RFWD3: variants seen among roughly 807,000 people sequenced by gnomAD.
The protein encoded by RFWD3 is E3 ubiquitin-protein ligase RFWD3.
Under a neutral mutation model 87.7 loss-of-function variants are expected in RFWD3, and 65 were observed. That is an observed-to-expected ratio of 0.74 (90% CI 0.61 to 0.91). The LOEUF (loss-of-function observed/expected upper bound fraction) is 0.91, where lower values mean the gene tolerates loss of function less well. Ranked by LOEUF, RFWD3 falls within the 40% of genes least tolerant of loss-of-function variation. The pLI is 0.00. For missense variants in RFWD3, 1,078 were observed against 938.5 expected, an observed-to-expected ratio of 1.15 and a Z score of -1.94; for synonymous variants, 433 against 352.8, an observed-to-expected ratio of 1.23 and a Z score of -2.55.
At chr16:74,627,575 C>A (rs563828339) in intron 11 of RFWD3, among the ~76,000 whole-genome samples, 2 of 152,326 alleles carry the variant, frequency 1.3e-5, no homozygotes, top group Admixed American at 1.3e-4. Flanking sequence ...GACCAACACA[C>A]CTGAACCTAA....
chr16:74,639,716 C>A (rs1324959454), intron 6 of RFWD3, among the ~76,000 whole-genome samples: 1 of 151,784 alleles, frequency 6.6e-6, no homozygotes, highest in Non-Finnish European at 1.5e-5. Flanking sequence ...CCAAAAATAG[C>A]AAAAAAATAC....
intron 6 of RFWD3, among the ~76,000 whole-genome samples, chr16:74,638,615 A>T (rs545832843): frequency 6.6e-6 from 1 of 152,352 alleles, no homozygotes; most frequent in East Asian, 1.9e-4. Context: ...AGCTGCCCTT[A>T]TTAATTTTTA....
chr16:74,652,705 A>C (rs2144274338), intron 2 of RFWD3, among the ~76,000 whole-genome samples: 1 of 152,360 alleles, frequency 6.6e-6, no homozygotes, highest in Non-Finnish European at 1.5e-5. Context: ...ACCTGGGGCC[A>C]AATCTAACAC....
Position 74,636,337 on chromosome 16 carries a change from A to T in RFWD3, c.1426+9T>A. On this transcript the variant is annotated intron_variant, in intron 8 of 12. Transcript: ENST00000361070. ...AAGAACATGAAAGCTGAGGTTCTAG[A>T]CTCTTTACCTGGAAGAAAAGAGGCC... The T allele has an allele frequency of 6.2e-7, 1 of 1,608,522 alleles. No individual in the cohort carries two copies. Among genetic ancestry groups the T allele is most frequent in the Non-Finnish European group, 8.5e-7 (1 of 1,174,940 alleles).
At chr16:74,629,632 A>C (rs1352975500) in intron 10 of RFWD3, among the ~76,000 whole-genome samples, 1 of 151,856 alleles carries the variant, frequency 6.6e-6, no homozygotes, top group African/African-American at 2.4e-5. Flanking sequence ...ATCTTAAAAA[A>C]ACAAAACAAA....
At chr16:74,658,079 C>G (rs540889879) in intron 2 of RFWD3, among the ~76,000 whole-genome samples, 2 of 152,156 alleles carry the variant, frequency 1.3e-5, no homozygotes, top group Non-Finnish European at 2.9e-5. Flanking sequence ...CAACAGGAAG[C>G]AGTGCTAGGG....
In RFWD3 at chr16:74,627,746, G is replaced by A. The variant is rs180953067; in HGVS notation, c.1969+706C>T. On this transcript the variant is annotated intron_variant, in intron 11 of 12. Transcript: ENST00000361070. ...CAGGCAGGCATTAGGCCATCTGCCA[G>A]GACAGAGGAGTATCCTGTGAAAGGC... Among the ~76,000 whole-genome samples, 20 of 152,310 alleles carry A rather than the reference G, an allele frequency of 1.3e-4. No homozygotes were observed. In the East Asian group the frequency reaches 3.7e-3, roughly 28 times the overall value.
intron 2 of RFWD3, among the ~76,000 whole-genome samples, chr16:74,656,228 C>T (rs1383318695): frequency 6.9e-6 from 1 of 144,988 alleles, no homozygotes; most frequent in Non-Finnish European, 1.5e-5. Context: ...TCACCTGAGC[C>T]CGGGGAGGTT....
intron 2 of RFWD3, among the ~76,000 whole-genome samples, chr16:74,656,953 G>C (rs376883754): frequency 1.3e-5 from 2 of 152,218 alleles, no homozygotes; most frequent in African/African-American, 4.8e-5. Flanking sequence ...AGATGTGACT[G>C]AATTGATCTC....
At chr16:74,655,498 C>T (rs928434444) in intron 2 of RFWD3, among the ~76,000 whole-genome samples, 3 of 151,776 alleles carry the variant, frequency 2.0e-5, no homozygotes, top group South Asian at 4.2e-4. Context: ...TCGCCCGCCT[C>T]GGCCTCCCAA....
intron 2 of RFWD3, among the ~76,000 whole-genome samples, chr16:74,655,243 A>G (rs187799764): frequency 6.6e-6 from 1 of 151,984 alleles, no homozygotes; most frequent in Non-Finnish European, 1.5e-5. Context: ...GTTGAAGCCG[A>G]TGCTCTTTTT....
At chr16:74,646,847 C>A (rs145150318) in intron 4 of RFWD3, among the ~76,000 whole-genome samples, 3 of 152,098 alleles carry the variant, frequency 2.0e-5, no homozygotes, top group Non-Finnish European at 4.4e-5. Flanking sequence ...CCGAAGCGGG[C>A]GGATCACCAG....
intron 4 of RFWD3, among the ~76,000 whole-genome samples, 190 bp downstream of exon 4, chr16:74,648,942 G>C (rs1463207804): frequency 6.6e-6 from 1 of 152,024 alleles, no homozygotes; most frequent in African/African-American, 2.4e-5. Flanking sequence ...ATGTAGCCGA[G>C]TGTGGTGGCA....
At chr16:74,644,078 C>CG (rs1481278615) in intron 6 of RFWD3, 2 of 475,194 alleles carry the variant, frequency 4.2e-6, no homozygotes, top group African/African-American at 1.9e-5. Flanking sequence ...ACTGCTGTGG[C>CG]GGGGGGTGGT....
At chr16:74,658,159 T>C (rs1279866154) in intron 2 of RFWD3, among the ~76,000 whole-genome samples, 1 of 152,174 alleles carries the variant, frequency 6.6e-6, no homozygotes, top group Non-Finnish European at 1.5e-5. Context: ...CAACTTTGAA[T>C]TTTGCTCCTT....
intron 8 of RFWD3, 119 bp from the exon 9 acceptor site, chr16:74,632,792 G>A: frequency 1.1e-6 from 1 of 877,700 alleles, no homozygotes; most frequent in Non-Finnish European, 1.7e-6. Context: ...TTGGGAACCA[G>A]CTGGTCAAAC....
rs1340447538 is a variant in RFWD3 at position 74,644,431 on chromosome 16, C to T, written c.1010G>A (p.Ser337Asn). ...TCGGGCATAAAGGACGACAATGTCA[C>T]TGTGCCTGGCTTTCTTGTTGCACTA... is the stretch of plus-strand genomic sequence containing the variant. ...CPQCNKKARHSDIVVLYARTL... is the reference protein window; with the variant it reads ...CPQCNKKARHNDIVVLYARTL... The change falls in exon 6 of 13, where the codon AGT (serine) becomes AAT (asparagine). Residue 337 changes from serine to asparagine, a missense_variant. Ser to Asn is a conservative substitution (Grantham distance 46). Coordinates refer to ENST00000361070, the MANE Select transcript of RFWD3 (RefSeq NM_018124.4). 1.2e-6 allele frequency: 2 copies of T among 1,614,244 alleles called. No individual in the cohort carries two copies. Among genetic ancestry groups the T allele is most frequent in the South Asian group, 2.2e-5 (2 of 91,086 alleles).
Position 74,623,805 on chromosome 16 carries a change from A to C in RFWD3, c.*123T>G. 9.1e-7 allele frequency: 1 copy of C among 1,102,896 alleles called. No homozygotes were observed. Among genetic ancestry groups the C allele is most frequent in the Non-Finnish European group, 1.3e-6 (1 of 756,944 alleles). The allele number at this position is 1,102,896 out of a possible 1,614,324, so 68.3% of individuals were successfully genotyped here. A position where few individuals can be genotyped will look rare whatever the true frequency, so the allele number is the denominator to read the frequency against. On this transcript the variant is annotated 3_prime_UTR_variant, in exon 13 of 13. Transcript: ENST00000361070. ...TAGGGTCCTAGAATCATACTAATGC[A>C]AACAAACCATGATTCCCAATGTTCT...
intron 2 of RFWD3, among the ~76,000 whole-genome samples, chr16:74,659,968 C>T (rs546095862): frequency 1.3e-5 from 2 of 152,132 alleles, no homozygotes; most frequent in Admixed American, 6.5e-5. Context: ...GTAGGAAGAT[C>T]GCCTAAGCCT....
Sources: gnomAD v4.1 joint callset for allele counts (sites outside exome capture counted in the v4.1 genomes callset) on GRCh38, gnomAD v4.1.1 for gene constraint, MANE v1.5 for transcripts, NCBI Gene and HGNC (gene_info 2026-07-23, HGNC 2026-07-21) for gene names.